Variants in THSD7B observed in about 807,000 individuals in gnomAD.
THSD7B encodes the protein thrombospondin type-1 domain-containing protein 7B.
In THSD7B, 138 loss-of-function variants were observed where a neutral mutation model predicts 213.6. That is an observed-to-expected ratio of 0.65 (90% confidence interval 0.56 to 0.74). THSD7B has a LOEUF of 0.74. Among genes scored for constraint, THSD7B ranks in the 30% least tolerant of loss-of-function variants. THSD7B has a pLI of 0.00. For missense variants in THSD7B, 1,931 were observed against 1,991.5 expected (o/e 0.97, Z 0.58); for synonymous variants, 742 against 687.0 (o/e 1.08, Z -1.25).
chr2:136,945,324 T>C (rs1051713474), intron 2 of THSD7B, among the ~76,000 whole-genome samples: 1 of 152,090 alleles, frequency 6.6e-6, no homozygotes, highest in Non-Finnish European at 1.5e-5. Flanking sequence ...TTGTAGAGTT[T>C]CTGCCAAGAG....
chr2:137,044,224 T>C (rs1198439674), intron 2 of THSD7B, among the ~76,000 whole-genome samples: 1 of 152,134 alleles, frequency 6.6e-6, no homozygotes, highest in African/African-American at 2.4e-5. Context: ...ATATCAACAA[T>C]CTCTAAAAAT....
At chr2:137,299,701 T>A (rs1683554450) in intron 12 of THSD7B, among the ~76,000 whole-genome samples, 1 of 152,156 alleles carries the variant, frequency 6.6e-6, no homozygotes, top group Non-Finnish European at 1.5e-5. Context: ...TTTCACACTT[T>A]TAAAAATATT....
At chr2:137,657,962 C>A (rs541150952) in intron 24 of THSD7B, among the ~76,000 whole-genome samples, 5 of 152,304 alleles carry the variant, frequency 3.3e-5, no homozygotes, top group Non-Finnish European at 4.4e-5. Flanking sequence ...CTGCCCGCCT[C>A]GGCCTCCCAA....
chr2:137,508,446 T>G (rs899047710), intron 15 of THSD7B, among the ~76,000 whole-genome samples: 3 of 150,080 alleles, frequency 2.0e-5, no homozygotes, highest in Non-Finnish European at 3.0e-5. Flanking sequence ...GCGGGATCTC[T>G]GCTCACTGCA....
intron 1 of THSD7B, among the ~76,000 whole-genome samples, chr2:136,822,950 G>A (rs1682589031): frequency 6.6e-6 from 1 of 152,130 alleles, no homozygotes; most frequent in Admixed American, 6.5e-5. Context: ...TTTAGTTTGT[G>A]GTGTACTGAT....
chr2:137,118,500 T>C (rs2104941687), intron 5 of THSD7B, among the ~76,000 whole-genome samples: 1 of 152,308 alleles, frequency 6.6e-6, no homozygotes, highest in East Asian at 1.9e-4. Context: ...CAATAAACTA[T>C]ATTTAAAAAT....
At chr2:137,078,858 T>C (rs1687685293) in intron 3 of THSD7B, among the ~76,000 whole-genome samples, 4 of 152,204 alleles carry the variant, frequency 2.6e-5, no homozygotes. Flanking sequence ...CTCCTTTTAC[T>C]CAAGGTTTGT....
chr2:137,200,118 A>G lies in THSD7B; in HGVS notation c.1723+29180A>G, dbSNP rs567053512. 3.3e-3 allele frequency among the ~76,000 whole-genome samples: 508 copies of G among 152,268 alleles called. 8 individuals are homozygous for G. The highest frequency in any genetic ancestry group is 0.012 in the African/African-American group (480 of 41,554). ...TTACTCAAATTTTTAAATCTGTACC[A>G]CTGCATTCTTCCTTAGATGTTTCAG... On this transcript the variant is annotated intron_variant, in intron 7 of 27. Transcript: ENST00000409968.
chr2:137,581,076 C>T (rs916489865), intron 17 of THSD7B, among the ~76,000 whole-genome samples: 1 of 152,052 alleles, frequency 6.6e-6, no homozygotes, highest in Non-Finnish European at 1.5e-5. Flanking sequence ...TAAACAAATA[C>T]TCATTGTGTA....
chr2:137,073,527 A>G (rs1687548570), intron 3 of THSD7B, among the ~76,000 whole-genome samples: 1 of 152,136 alleles, frequency 6.6e-6, no homozygotes, highest in Non-Finnish European at 1.5e-5. Flanking sequence ...TGATCGTTCA[A>G]AAAAACAGCT....
intron 2 of THSD7B, chr2:136,906,346 G>A (rs747397882): frequency 6.6e-6 from 1 of 152,132 alleles, no homozygotes; most frequent in African/African-American, 2.4e-5. Context: ...ATATATACAT[G>A]TGTTTGTATA....
intron 15 of THSD7B, among the ~76,000 whole-genome samples, chr2:137,475,649 A>G (rs373592649): frequency 3.3e-5 from 5 of 152,130 alleles, no homozygotes; most frequent in African/African-American, 7.2e-5. Context: ...TGTTGCTTCA[A>G]ATGACTTTAT....
chr2:137,071,657 C>A (rs970938049), intron 3 of THSD7B, among the ~76,000 whole-genome samples: 10 of 152,120 alleles, frequency 6.6e-5, no homozygotes, highest in Middle Eastern at 3.4e-3. Context: ...AATGGTATTG[C>A]CTAGGTTTTA....
At chr2:136,923,778 C>G (rs1027130200) in intron 2 of THSD7B, among the ~76,000 whole-genome samples, 3 of 152,052 alleles carry the variant, frequency 2.0e-5, no homozygotes, top group African/African-American at 7.2e-5. Flanking sequence ...AATTCAAGTT[C>G]TTTACCTATT....
chr2:137,310,622 G>GT (rs1429381754), intron 12 of THSD7B, among the ~76,000 whole-genome samples: 1 of 152,048 alleles, frequency 6.6e-6, no homozygotes, highest in Non-Finnish European at 1.5e-5. Flanking sequence ...TTCTTCTAGG[G>GT]TTTTTATGGT....
intron 2 of THSD7B, among the ~76,000 whole-genome samples, chr2:136,983,982 G>A (rs181256609): frequency 6.4e-4 from 97 of 152,320 alleles, no homozygotes; most frequent in African/African-American, 2.3e-3. Context: ...GAAGCAAAGT[G>A]TAAGCATAGC....
Position 136,801,530 on chromosome 2 carries a change from C to T in THSD7B, c.-36+35843C>T, listed in dbSNP as rs139879843. Among the ~76,000 whole-genome samples the T allele has an allele frequency of 2.9e-4, 44 of 152,124 alleles. No homozygotes were observed. The Middle Eastern group carries it at 0.01, about 35-fold the overall frequency. On this transcript the variant is annotated intron_variant, in intron 1 of 27. Transcript: ENST00000409968. ...AGAAAGGCTTATTTTGGCCTCAGTC[C>T]GATGTAGTCATGACTACCTTTTTAA...
chr2:137,073,636 C>G (rs375421354), intron 3 of THSD7B, among the ~76,000 whole-genome samples: 16 of 152,120 alleles, frequency 1.1e-4, no homozygotes, highest in Middle Eastern at 3.4e-3. Context: ...GCTTTTGAAT[C>G]TGTTTGCTCT....
chr2:136,932,649 G>A (rs1038915108), intron 2 of THSD7B, among the ~76,000 whole-genome samples: 11 of 152,142 alleles, frequency 7.2e-5, no homozygotes, highest in Admixed American at 6.5e-4. Flanking sequence ...TACATTAAGT[G>A]GAAGTGGATC....
Sources: gnomAD v4.1 joint callset for allele counts (sites outside exome capture counted in the v4.1 genomes callset) on GRCh38, gnomAD v4.1.1 for gene constraint, MANE v1.5 for transcripts, NCBI Gene and HGNC (gene_info 2026-07-23, HGNC 2026-07-21) for gene names.